IK: variants seen among roughly 807,000 people sequenced by gnomAD.
IK encodes the protein protein Red.
Under a neutral mutation model 90.9 loss-of-function variants are expected in IK, and 47 were observed. That is an observed-to-expected ratio of 0.52 (90% CI 0.41 to 0.66). The LOEUF is 0.66. Among genes scored for constraint, IK ranks in the 30% least tolerant of loss-of-function variants. The pLI, the probability that IK is intolerant of heterozygous loss-of-function variation, is 0.00. For missense variants in IK, 385 were observed against 709.3 expected (o/e 0.54, Z 5.19); for synonymous variants, 201 against 227.5 (o/e 0.88, Z 1.05).
In IK at chr5:140,654,591, G is replaced by A. The variant is rs1276454989; in HGVS notation, c.590+5G>A. 1.3e-6 allele frequency: 2 copies of A among 1,587,450 alleles called. No individual in the cohort carries two copies. Among genetic ancestry groups the A allele is most frequent in the South Asian group, 2.3e-5 (2 of 87,588 alleles). ...AAAGCCCCAGAAAGAAACCAAGTAA[G>A]TAAATATTATGGAAAGGTTGAGAAT... On this transcript the variant is annotated splice_donor_5th_base_variant and intron_variant, in intron 7 of 19. Transcript: ENST00000417647.
chr5:140,653,949 C>T lies in IK; in HGVS notation c.416C>T (p.Ala139Val). The change falls in exon 6 of 20, where the codon GCT becomes GTT. Residue 139 changes from alanine (A) to valine (V), a missense_variant. Coordinates refer to ENST00000417647, the MANE Select transcript of IK (RefSeq NM_006083.4). Reference protein sequence around the residue: ...VGPTAEADKSAAEKRRQLIQE... With the variant: ...VGPTAEADKSVAEKRRQLIQE... ...CTTTCATTATACAGGGACAAATCAG[C>T]TGCAGAGAAGAGAAGACAGTTGATC... The T allele has an allele frequency of 6.2e-7, 1 of 1,606,426 alleles. No individual in the cohort carries two copies. Among genetic ancestry groups the T allele is most frequent in the South Asian group, 1.1e-5 (1 of 90,760 alleles).
chr5:140,648,643 A>G, intron 2 of IK, 106 bp downstream of exon 2: 1 of 1,130,938 alleles, frequency 8.8e-7, no homozygotes, highest in Non-Finnish European at 1.3e-6. Context: ...GATGGTAAAA[A>G]ATTATACCCG....
Position 140,657,672 on chromosome 5 carries a change from G to A in IK, c.910+10G>A, listed in dbSNP as rs754930426. 2.5e-6 allele frequency: 4 copies of A among 1,572,150 alleles called. No homozygotes were observed. In the South Asian group the frequency reaches 3.4e-5, roughly 13 times the overall value. On this transcript the variant is annotated intron_variant, in intron 10 of 19. Coordinates refer to ENST00000417647, the MANE Select transcript of IK (RefSeq NM_006083.4). ...AAGAAGAAGGATAAAGGTACCTGGA[G>A]GGTTAGAGAGAGAAGCCTTACCCAC...
Position 140,657,894 on chromosome 5 carries a change from T to C in IK, c.910+232T>C, listed in dbSNP as rs574187630. 1.2e-4 allele frequency among the ~76,000 whole-genome samples: 18 copies of C among 152,342 alleles called. No homozygotes were observed. The South Asian group carries it at 3.7e-3, about 32-fold the overall frequency. On this transcript the variant is annotated intron_variant, in intron 10 of 19. Transcript: ENST00000417647. ...CATGAGGGATGGAGAGTGGGTAGCT[T>C]ATGTCCTATTTATTTATTTTTTTTA...
Position 140,662,205 on chromosome 5 carries a change from A to G in IK, c.1638A>G (p.Glu546=), listed in dbSNP as rs1223136453. The G allele has an allele frequency of 6.2e-7, 1 of 1,613,990 alleles. No homozygotes were observed. Among genetic ancestry groups the G allele is most frequent in the South Asian group, 1.1e-5 (1 of 91,082 alleles). ...TCATTGAGAAGAGGAAGAAGATGGA[A>G]GCTGATGGGTGAGCGGCATTATTCT... ...SAIIEKRKKM[E]ADGVEVKRPK... is the part of the protein sequence containing the mutation. Residue 546 remains glutamate, a synonymous_variant, in exon 19 of 20, where the codon GAA becomes GAG. Transcript: ENST00000417647.
Position 140,658,012 on chromosome 5 carries a change from T to G in IK, c.910+350T>G, listed in dbSNP as rs978269909. Among the ~76,000 whole-genome samples the G allele has an allele frequency of 2.6e-5, 4 of 152,244 alleles. No homozygotes were observed. In the East Asian group the frequency reaches 7.7e-4, roughly 29 times the overall value. On this transcript the variant is annotated intron_variant, in intron 10 of 19. Coordinates refer to ENST00000417647, the MANE Select transcript of IK (RefSeq NM_006083.4). ...CATTTTATTTTATTTTATTTATTTA[T>G]TTTTTGAGACGGAGTCTCGCTCTGT...
intron 15 of IK, 95 bp from the exon 16 acceptor site, chr5:140,660,663 C>G: frequency 1.1e-6 from 1 of 921,852 alleles, no homozygotes; most frequent in Non-Finnish European, 1.8e-6. Context: ...AGGGGGTGGT[C>G]ATTCCTATGC....
At chr5:140,654,418 T>TTTAA (rs1368643054) in intron 6 of IK, 98 bp from the exon 7 acceptor site, 1 of 939,054 alleles carries the variant, frequency 1.1e-6, no homozygotes, top group African/African-American at 1.7e-5. Flanking sequence ...ATCTGTCATG[T>TTTAA]TTAATATTAT....
chr5:140,651,907 T>C, intron 3 of IK, 101 bp downstream of exon 3: 1 of 855,838 alleles, frequency 1.2e-6, no homozygotes, highest in Middle Eastern at 2.2e-4. Context: ...CTCAGGTATT[T>C]ATGATACTCT....
intron 8 of IK, among the ~76,000 whole-genome samples, chr5:140,655,502 G>A (rs949713020): frequency 1.3e-4 from 20 of 152,110 alleles, no homozygotes; most frequent in African/African-American, 4.8e-4. Flanking sequence ...TTCCTCACAG[G>A]ACTTAATACA....
Position 140,659,073 on chromosome 5 carries a change from G to A in IK, c.1085G>A (p.Arg362Gln). 6.2e-7 allele frequency: 1 copy of A among 1,613,010 alleles called. No individual in the cohort carries two copies. Among genetic ancestry groups the A allele is most frequent in the Non-Finnish European group, 8.5e-7 (1 of 1,179,028 alleles). Residue 362 changes from arginine (R) to glutamine (Q), a missense_variant, in exon 12 of 20, where the codon CGA (arginine) becomes CAA (glutamine). Arg to Gln is a conservative substitution (Grantham distance 43). Around this residue, in one of 8 missense-constraint regions of IK, gnomAD observed 139 missense variants for 172.0 expected, o/e 0.81. Transcript: ENST00000417647. ...RDRDRERERE[R>Q]DRERERERDR... ...CGTGACCGAGAGCGAGAGCGAGAAC[G>A]AGATCGGGAACGAGAGCGAGAGCGG... is the stretch of plus-strand genomic sequence containing the variant.
At chr5:140,660,075 A>T (rs1482425071) in intron 14 of IK, 40 bp from the exon 15 acceptor site, 2 of 1,559,816 alleles carry the variant, frequency 1.3e-6, no homozygotes, top group Non-Finnish European at 1.8e-6. Flanking sequence ...TTACAGCAAT[A>T]GGTAGAATCC....
In IK at chr5:140,653,016, G is replaced by A. The variant is rs1271864878; in HGVS notation, c.276G>A (p.Glu92=). Reference sequence around the variant, plus strand: ...TACGCCAACAAGAAATTGAGAGAGAGAGAGAGCTAGCAGAGAAGTACCGGG... The same window carrying A: ...TACGCCAACAAGAAATTGAGAGAGAAAGAGAGCTAGCAGAGAAGTACCGGG... The part of the protein sequence containing the change: ...AKLRQQEIER[E]RELAEKYRDR... The change falls in exon 5 of 20, where the codon GAG becomes GAA. Residue 92 remains glutamate, a synonymous_variant. Coordinates refer to ENST00000417647, the MANE Select transcript of IK (RefSeq NM_006083.4). The A allele has an allele frequency of 6.2e-7, 1 of 1,613,932 alleles. No homozygotes were observed. Among genetic ancestry groups the A allele is most frequent in the East Asian group, 2.2e-5 (1 of 44,896 alleles).
chr5:140,661,339 T>C lies in IK; in HGVS notation c.1414-281T>C. 1 of 395,086 alleles carries C rather than the reference T, an allele frequency of 2.5e-6. No individual in the cohort carries two copies. Among genetic ancestry groups the C allele is most frequent in the Non-Finnish European group, 4.6e-6 (1 of 218,978 alleles). 24.5% of individuals were successfully genotyped at this position (395,086 alleles called of 1,614,324 possible). A position where few individuals can be genotyped will look rare whatever the true frequency, so the allele number is the denominator to read the frequency against. ...TTAGTTTTGTGAACTTGCCAAGTTC[T>C]TTCACTGTTTATGCCTCAGTTTCCT... On this transcript the variant is annotated intron_variant, in intron 16 of 19. Coordinates refer to ENST00000417647, the MANE Select transcript of IK (RefSeq NM_006083.4). The surrounding 1 kb of genome is among the most constrained non-coding windows in gnomAD (Gnocchi z 4.2).
intron 9 of IK, 40 bp from the exon 10 acceptor site, chr5:140,657,514 T>G (rs1312191203): frequency 7.5e-7 from 1 of 1,335,278 alleles, no homozygotes; most frequent in East Asian, 2.3e-5. Context: ...AAGAGATTTC[T>G]GCTGAGTGGT....
intron 4 of IK, among the ~76,000 whole-genome samples, chr5:140,652,542 C>A (rs183444521): frequency 1.3e-5 from 2 of 152,258 alleles, no homozygotes; most frequent in East Asian, 3.9e-4. Context: ...ATATCATCAT[C>A]GTTATTTATA....
chr5:140,652,089 A>G lies in IK; in HGVS notation c.178A>G (p.Met60Val). ...APPSKSRHHE[M>V]PREYNEDEDP... is the part of the protein sequence containing the mutation. ...CAGTGAATTTCTCGTCTCTTCTAGG[A>G]TGCCAAGGGAGTACAATGAGGATGA... is the stretch of plus-strand genomic sequence containing the variant. Residue 60 changes from methionine to valine, a missense_variant and splice_region_variant, in exon 4 of 20, where the codon ATG becomes GTG. Around this residue, in one of 8 missense-constraint regions of IK, gnomAD observed 64 missense variants for 144.6 expected, o/e 0.44. Transcript: ENST00000417647. 4 of 1,613,064 alleles carry G rather than the reference A, an allele frequency of 2.5e-6. No individual in the cohort carries two copies. Among genetic ancestry groups the G allele is most frequent in the Non-Finnish European group, 3.4e-6 (4 of 1,179,074 alleles).
chr5:140,658,628 C>G, intron 10 of IK, 109 bp from the exon 11 acceptor site: 1 of 957,974 alleles, frequency 1.0e-6, no homozygotes, highest in Non-Finnish European at 1.6e-6. Flanking sequence ...CCTTGACCCA[C>G]GTTTTAAACA....
Position 140,654,747 on chromosome 5 carries a change from T to C in IK, c.637+20T>C, listed in dbSNP as rs760693653. Reference sequence around the variant, plus strand: ...GTCTGGGTGAGTACAGTTTCTATACTAGTGACTATGCATTCTGGATGAATT... The same window carrying C: ...GTCTGGGTGAGTACAGTTTCTATACCAGTGACTATGCATTCTGGATGAATT... On this transcript the variant is annotated intron_variant, in intron 8 of 19. Coordinates refer to ENST00000417647, the MANE Select transcript of IK (RefSeq NM_006083.4). 6.1e-6 allele frequency: 9 copies of C among 1,486,844 alleles called. No homozygotes were observed. Among genetic ancestry groups the C allele is most frequent in the Non-Finnish European group, 7.5e-6 (8 of 1,070,760 alleles). The allele number at this position is 1,486,844 out of a possible 1,614,324, so 92.1% of individuals were successfully genotyped here.
Sources: allele counts gnomAD v4.1 joint callset (sites outside exome capture counted in the v4.1 genomes callset), GRCh38; gene constraint gnomAD v4.1.1; regional missense constraint gnomAD v4.1.1; non-coding constraint Gnocchi (gnomAD v3.1); transcripts MANE v1.5; gene names NCBI Gene and HGNC (gene_info 2026-07-23, HGNC 2026-07-21).